Variants in GALK2 observed in about 807,000 individuals in gnomAD.
The protein encoded by GALK2 is galactokinase 2, also known as N-acetylgalactosamine kinase.
GALK2 carries 36 observed loss-of-function variants against 52.4 expected under a neutral mutation model. The ratio of observed to expected loss-of-function variants is 0.69; its 90% CI spans 0.53 to 0.91. GALK2 has a LOEUF of 0.91. GALK2 is among the 40% of genes least tolerant of loss of function. The probability of loss-of-function intolerance (pLI) is 0.00; values close to 1 mark genes in which losing one functional copy is unlikely to be tolerated. For synonymous variants in GALK2, 176 were observed against 199.1 expected, an observed-to-expected ratio of 0.88 and a Z score of 0.98; for missense variants, 579 against 559.1, an observed-to-expected ratio of 1.04 and a Z score of -0.36.
intron 3 of GALK2, among the ~76,000 whole-genome samples, chr15:49,361,111 G>T (rs1314435821): frequency 6.6e-6 from 1 of 152,064 alleles, no homozygotes; most frequent in Non-Finnish European, 1.5e-5. Flanking sequence ...GAATATGTTA[G>T]CTTGATTCAG....
At chr15:49,340,721 G>A (rs890968915) in intron 3 of GALK2, among the ~76,000 whole-genome samples, 13 of 152,048 alleles carry the variant, frequency 8.5e-5, no homozygotes, top group African/African-American at 3.1e-4. Context: ...ATTGTTTATT[G>A]ACTACGTTGA....
intron 3 of GALK2, among the ~76,000 whole-genome samples, chr15:49,227,976 G>T (rs906340167): frequency 6.6e-6 from 1 of 152,028 alleles, no homozygotes; most frequent in African/African-American, 2.4e-5. Flanking sequence ...ATTTATGAAG[G>T]ATGATTTTGT....
intron 5 of GALK2, among the ~76,000 whole-genome samples, chr15:49,250,678 TA>T (rs1211119333): frequency 6.6e-6 from 1 of 152,144 alleles, no homozygotes; most frequent in Non-Finnish European, 1.5e-5. Flanking sequence ...ATATAATCAG[TA>T]TCATAGACAT....
At chr15:49,201,604 A>C (rs1370718957) in intron 2 of GALK2, among the ~76,000 whole-genome samples, 1 of 152,168 alleles carries the variant, frequency 6.6e-6, no homozygotes, top group Non-Finnish European at 1.5e-5. Flanking sequence ...GCACAGGGAA[A>C]CCTTAAAATT....
At chr15:49,215,269 T>G (rs1315753877) in intron 2 of GALK2, among the ~76,000 whole-genome samples, 1 of 152,234 alleles carries the variant, frequency 6.6e-6, no homozygotes, top group East Asian at 1.9e-4. Flanking sequence ...ATATCTTTTC[T>G]TAGGTTTGGA....
Position 49,329,017 on chromosome 15 carries a change from ACT to A in GALK2, c.*861_*862del, listed in dbSNP as rs3075142. Reference sequence around the variant, plus strand: ...TTGTTCATAGAATTACTTTCTTATCACTCTTTTTCTACTACTTTTTCTCAAAT... The same window carrying A: ...TTGTTCATAGAATTACTTTCTTATCACTTTTTCTACTACTTTTTCTCAAAT... On this transcript the variant is annotated 3_prime_UTR_variant, in exon 10 of 10. Transcript: ENST00000560031. 0.28 allele frequency: 285,824 copies of A among 1,011,374 alleles called. 41,494 individuals carry two copies. The highest frequency in any genetic ancestry group is 0.42 in the East Asian group (4,668 of 11,032). 62.7% of individuals were successfully genotyped at this position (1,011,374 alleles called of 1,614,324 possible). A position where few individuals can be genotyped will look rare whatever the true frequency, so the allele number is the denominator to read the frequency against.
At chr15:49,265,554 C>T (rs911723400) in intron 5 of GALK2, among the ~76,000 whole-genome samples, 4 of 152,256 alleles carry the variant, frequency 2.6e-5, no homozygotes, top group Non-Finnish European at 4.4e-5. Context: ...CCTGTTTTGG[C>T]TCGCGCGCAG....
intron 3 of GALK2, among the ~76,000 whole-genome samples, chr15:49,359,742 T>C (rs1280526441): frequency 7.3e-6 from 1 of 137,532 alleles, no homozygotes; most frequent in Non-Finnish European, 1.6e-5. Context: ...TTACTGGGTA[T>C]ATACCCAAAG....
chr15:49,210,053 A>G (rs994490546), intron 2 of GALK2, among the ~76,000 whole-genome samples: 10 of 152,180 alleles, frequency 6.6e-5, no homozygotes, highest in African/African-American at 2.4e-4. Flanking sequence ...TACCTGGTTC[A>G]ATCTTCTTAG....
intron 5 of GALK2, among the ~76,000 whole-genome samples, chr15:49,247,327 G>A (rs1449436234): frequency 1.3e-5 from 2 of 152,114 alleles, no homozygotes; most frequent in African/African-American, 2.4e-5. Flanking sequence ...AAAACCTTTG[G>A]AGGGCTGTGA....
intron 3 of GALK2, among the ~76,000 whole-genome samples, chr15:49,357,783 A>G (rs1199904526): frequency 6.6e-6 from 1 of 152,128 alleles, no homozygotes; most frequent in Non-Finnish European, 1.5e-5. Flanking sequence ...AGACACAACA[A>G]AAAAAGAGAA....
chr15:49,316,681 A>G (rs568100723), intron 8 of GALK2, among the ~76,000 whole-genome samples: 1 of 152,330 alleles, frequency 6.6e-6, no homozygotes, highest in East Asian at 1.9e-4. Flanking sequence ...TCATTAGTAG[A>G]AATGTAAAAG....
At chr15:49,166,626 C>G (rs778430121), upstream of GALK2, among the ~76,000 whole-genome samples, 8 of 152,140 alleles carry the variant, frequency 5.3e-5, no homozygotes, top group Non-Finnish European at 8.8e-5. Context: ...AGGAGAATCA[C>G]TTGAACCCGG....
At chr15:49,255,818 G>C (rs943806506) in intron 5 of GALK2, among the ~76,000 whole-genome samples, 1 of 152,020 alleles carries the variant, frequency 6.6e-6, no homozygotes, top group African/African-American at 2.4e-5. Context: ...AATTAATAAT[G>C]CATGTTTGTC....
intron 5 of GALK2, among the ~76,000 whole-genome samples, chr15:49,257,076 C>T: frequency 6.6e-6 from 1 of 152,142 alleles, no homozygotes; most frequent in East Asian, 1.9e-4. Context: ...CCACTGGTCT[C>T]TCTCCTGCCT....
At chr15:49,274,194 T>G (rs1390457103) in intron 5 of GALK2, among the ~76,000 whole-genome samples, 1 of 152,216 alleles carries the variant, frequency 6.6e-6, no homozygotes, top group Non-Finnish European at 1.5e-5. Flanking sequence ...ATTTTGTCAT[T>G]GTGTCAACAT....
At chr15:49,224,251 A>C (rs1004026985) in intron 3 of GALK2, among the ~76,000 whole-genome samples, 1 of 152,220 alleles carries the variant, frequency 6.6e-6, no homozygotes, top group Admixed American at 6.5e-5. Context: ...GACCTTTGTC[A>C]GATGCATAGT....
At chr15:49,207,632 C>T (rs1211874251) in intron 2 of GALK2, among the ~76,000 whole-genome samples, 3 of 152,076 alleles carry the variant, frequency 2.0e-5, no homozygotes, top group East Asian at 1.9e-4. Context: ...TTCTAGTTTA[C>T]TCATGTAAAG....
chr15:49,229,832 A>T (rs557829009), intron 3 of GALK2, among the ~76,000 whole-genome samples: 2 of 152,210 alleles, frequency 1.3e-5, no homozygotes, highest in South Asian at 4.1e-4. Context: ...GGCTCCAGGT[A>T]GTGGCTGCAG....
Sources: allele counts gnomAD v4.1 joint callset (sites outside exome capture counted in the v4.1 genomes callset), GRCh38; gene constraint gnomAD v4.1.1; transcripts MANE v1.5; gene names NCBI Gene and HGNC (gene_info 2026-07-23, HGNC 2026-07-21).